Variants in MARK1 observed in about 807,000 individuals in gnomAD.
MARK1 encodes serine/threonine-protein kinase MARK1.
A neutral mutation model predicts 96.3 loss-of-function variants in MARK1; 40 were observed. The ratio of observed to expected loss-of-function variants is 0.42; its 90% CI spans 0.32 to 0.54. The LOEUF (loss-of-function observed/expected upper bound fraction) is 0.54. MARK1 is among the 20% of genes least tolerant of loss of function. The probability of loss-of-function intolerance (pLI) is 0.16; values close to 1 mark genes in which losing one functional copy is unlikely to be tolerated. For missense variants in MARK1, 719 were observed against 984.6 expected (o/e 0.73, Z 3.61); for synonymous variants, 317 against 341.2 (o/e 0.93, Z 0.78).
intron 13 of MARK1, among the ~76,000 whole-genome samples, chr1:220,637,909 CT>C (rs1668057549): frequency 6.6e-6 from 1 of 152,064 alleles, no homozygotes; most frequent in African/African-American, 2.4e-5. Flanking sequence ...CTTCAACTCC[CT>C]AATACCCATT....
chr1:220,536,708 A>G (rs1216778492), intron 1 of MARK1, among the ~76,000 whole-genome samples: 3 of 152,174 alleles, frequency 2.0e-5, no homozygotes, highest in Non-Finnish European at 4.4e-5. Flanking sequence ...GGCACACGCC[A>G]GTAGCTGGGA....
intron 5 of MARK1, among the ~76,000 whole-genome samples, chr1:220,602,780 G>A (rs537877190): frequency 1.3e-5 from 2 of 151,950 alleles, no homozygotes; most frequent in Non-Finnish European, 2.9e-5. Flanking sequence ...TTAGTTTCAT[G>A]TGACATACAT....
At position 220,663,628 on chromosome 1, in the gene MARK1, A is replaced by G. The variant is rs1406530626; in HGVS notation, c.*1462A>G. 6.6e-6 allele frequency: 1 copy of G among 152,588 alleles called. No homozygotes were observed. Among genetic ancestry groups the G allele is most frequent in the Non-Finnish European group, 1.5e-5 (1 of 68,028 alleles). The allele number at this position is 152,588 out of a possible 1,614,324, so 9.5% of individuals were successfully genotyped here. A position where few individuals can be genotyped will look rare whatever the true frequency, so the allele number is the denominator to read the frequency against. On this transcript the variant is annotated 3_prime_UTR_variant, in exon 18 of 18. Coordinates refer to ENST00000366917, the MANE Select transcript of MARK1 (RefSeq NM_018650.5). ...GTGATAAATACTGTAATTCCAACCT[A>G]CATTAGAAGGTCTAAGTGTAGGTGA...
At position 220,543,687 on chromosome 1, in the gene MARK1, T is replaced by C. The variant is rs1378408373; in HGVS notation, c.51+14814T>C. ...TTATTACCTAGCATAGTGTTTGGCA[T>C]ATTTTTTGGTACTCAACAATTTAAT... On this transcript the variant is annotated intron_variant, in intron 1 of 17. Coordinates refer to ENST00000366917, the MANE Select transcript of MARK1 (RefSeq NM_018650.5). Among the ~76,000 whole-genome samples the C allele has an allele frequency of 3.3e-5, 5 of 152,350 alleles. No individual in the cohort carries two copies. The East Asian group carries it at 9.6e-4, about 29-fold the overall frequency.
chr1:220,541,217 G>T (rs966657380), intron 1 of MARK1, among the ~76,000 whole-genome samples: 3 of 152,152 alleles, frequency 2.0e-5, no homozygotes, highest in Non-Finnish European at 4.4e-5. Flanking sequence ...ACAGGCAAGA[G>T]CCACCACACC....
chr1:220,619,365 T>G (rs1666932567), intron 9 of MARK1, among the ~76,000 whole-genome samples: 1 of 152,098 alleles, frequency 6.6e-6, no homozygotes, highest in Admixed American at 6.5e-5. Context: ...TCCCAGCTAC[T>G]TGGGAGGCTG....
At chr1:220,543,534 G>A (rs1661283869) in intron 1 of MARK1, among the ~76,000 whole-genome samples, 1 of 152,080 alleles carries the variant, frequency 6.6e-6, no homozygotes, top group Admixed American at 6.6e-5. Flanking sequence ...CTGTAGTTTA[G>A]AGGCCATTCT....
At chr1:220,631,394 A>C (rs1324843096) in intron 10 of MARK1, among the ~76,000 whole-genome samples, 1 of 152,192 alleles carries the variant, frequency 6.6e-6, no homozygotes, top group African/African-American at 2.4e-5. Flanking sequence ...CTTTCCTTTC[A>C]GTGATGCCCA....
intron 14 of MARK1, among the ~76,000 whole-genome samples, chr1:220,651,075 T>C (rs1668848192): frequency 6.6e-6 from 1 of 152,212 alleles, no homozygotes; most frequent in Admixed American, 6.5e-5. Context: ...CATCAAGTCA[T>C]TGCTGTATCT....
chr1:220,616,019 TTAA>T, intron 7 of MARK1, 24 bp downstream of exon 7: 5 of 1,153,014 alleles, frequency 4.3e-6, no homozygotes, highest in Non-Finnish European at 6.2e-6. Context: ...TGTAATTTTT[TTAA>T]AAAAAAAATC....
At chr1:220,581,892 T>C (rs1161480527) in intron 3 of MARK1, among the ~76,000 whole-genome samples, 2 of 152,208 alleles carry the variant, frequency 1.3e-5, no homozygotes, top group Non-Finnish European at 2.9e-5. Context: ...GAAGCAAATG[T>C]TTTAACATTT....
intron 6 of MARK1, among the ~76,000 whole-genome samples, chr1:220,608,944 T>C (rs1215504981): frequency 6.6e-6 from 1 of 152,210 alleles, no homozygotes; most frequent in African/African-American, 2.4e-5. Flanking sequence ...TTTCTGTTCT[T>C]TTACATTTGC....
At chr1:220,563,203 T>G (rs2102783768) in intron 1 of MARK1, among the ~76,000 whole-genome samples, 1 of 152,266 alleles carries the variant, frequency 6.6e-6, no homozygotes, top group East Asian at 1.9e-4. Flanking sequence ...AGCAGTAAAT[T>G]AATGTAATTC....
chr1:220,626,427 G>T, intron 9 of MARK1: 1 of 545,096 alleles, frequency 1.8e-6, no homozygotes, highest in Non-Finnish European at 3.7e-6. Context: ...TCCGAGATGG[G>T]ATTGACGACA....
chr1:220,659,792 A>T (rs891442598), intron 17 of MARK1, among the ~76,000 whole-genome samples: 1 of 149,160 alleles, frequency 6.7e-6, no homozygotes, highest in Non-Finnish European at 1.5e-5. Flanking sequence ...CAGAAAACTA[A>T]TTTTTTTTTT....
chr1:220,587,929 G>A (rs1664753034), intron 3 of MARK1, among the ~76,000 whole-genome samples: 2 of 151,968 alleles, frequency 1.3e-5, no homozygotes, highest in South Asian at 4.2e-4. Context: ...TGGGTTGAAG[G>A]GCATGCATAG....
intron 1 of MARK1, among the ~76,000 whole-genome samples, chr1:220,533,013 A>T (rs28677885): frequency 0.19 from 6,558 of 35,006 alleles, 393 homozygotes; most frequent in African/African-American, 0.35. Context: ...CCTTTTTTTT[A>T]AAAAAAAAAA....
At position 220,663,843 on chromosome 1, in the gene MARK1, T is replaced by C. The variant is rs1669607054; in HGVS notation, c.*1677T>C. On this transcript the variant is annotated 3_prime_UTR_variant, in exon 18 of 18. Transcript: ENST00000366917. ...ACCTAGTGTTCATTCAAAAAAAAATTGATGCAAATCTTTATTCACTTTCAC... is the reference window on the plus strand; with the variant it reads ...ACCTAGTGTTCATTCAAAAAAAAATCGATGCAAATCTTTATTCACTTTCAC... 1 of 152,592 alleles carries C rather than the reference T, an allele frequency of 6.6e-6. No individual in the cohort carries two copies. The highest frequency in any genetic ancestry group is 1.5e-5 in the Non-Finnish European group (1 of 68,010). The allele number at this position is 152,592 out of a possible 1,614,324, so 9.5% of individuals were successfully genotyped here. A position where few individuals can be genotyped will look rare whatever the true frequency, so the allele number is the denominator to read the frequency against.
intron 6 of MARK1, among the ~76,000 whole-genome samples, chr1:220,605,515 T>C (rs1163259701): frequency 6.7e-6 from 1 of 150,284 alleles, no homozygotes; most frequent in Non-Finnish European, 1.5e-5. Flanking sequence ...ATTTTATTTT[T>C]CTTCCTTTTT....
Sources: gnomAD v4.1 joint callset for allele counts (sites outside exome capture counted in the v4.1 genomes callset) on GRCh38, gnomAD v4.1.1 for gene constraint, MANE v1.5 for transcripts, NCBI Gene and HGNC (gene_info 2026-07-23, HGNC 2026-07-21) for gene names.